Variants in ATF3 observed in about 807,000 individuals in gnomAD.
ATF3 encodes activating transcription factor 3, also known as cyclic AMP-dependent transcription factor ATF-3.
Under a neutral mutation model 18.4 loss-of-function variants are expected in ATF3, and 10 were observed. That is an observed-to-expected ratio of 0.54 (90% confidence interval 0.34 to 0.92). The LOEUF (loss-of-function observed/expected upper bound fraction) is 0.92, where lower values mean the gene tolerates loss of function less well. Among genes scored for constraint, ATF3 ranks in the 40% least tolerant of loss-of-function variants. The pLI is 0.02. For synonymous variants in ATF3, 78 were observed against 87.9 expected, an observed-to-expected ratio of 0.89 and a Z score of 0.63; for missense variants, 183 against 222.3, an observed-to-expected ratio of 0.82 and a Z score of 1.12.
chr1:212,618,017 C>A lies in ATF3; in HGVS notation c.241-110C>A. The A allele has an allele frequency of 9.5e-7, 1 of 1,049,888 alleles. No homozygotes were observed. The highest frequency in any genetic ancestry group is 1.4e-6 in the Non-Finnish European group (1 of 694,696). 65.0% of individuals were successfully genotyped at this position (1,049,888 alleles called of 1,614,324 possible). ...GCTTTAGTATTTCGGGGTCTTTTAG[C>A]GCTAGCATTGCCCTTGTCTGCCAGC... On this transcript the variant is annotated intron_variant, in intron 2 of 3. Coordinates refer to ENST00000341491, the MANE Select transcript of ATF3 (RefSeq NM_001674.4). This position sits in a 1 kb window ranked among gnomAD's most constrained non-coding sequence, Gnocchi z 4.4.
chr1:212,570,425 A>T (rs1258503584), intron 1 of ATF3, among the ~76,000 whole-genome samples: 1 of 152,242 alleles, frequency 6.6e-6, no homozygotes, highest in Admixed American at 6.5e-5. Flanking sequence ...TGACAGATGC[A>T]TATGCCTAGC....
At chr1:212,616,141 T>G (rs775773470) in intron 2 of ATF3, among the ~76,000 whole-genome samples, 2 of 151,668 alleles carry the variant, frequency 1.3e-5, no homozygotes, top group Non-Finnish European at 2.9e-5. Context: ...GGGCAGAGTA[T>G]AGGGGTGGGA....
upstream of ATF3, among the ~76,000 whole-genome samples, chr1:212,606,105 T>C (rs1251341163): frequency 1.3e-5 from 2 of 152,212 alleles, no homozygotes; most frequent in Admixed American, 6.5e-5. Context: ...AGGACTCAGA[T>C]GTTGATCACT....
At chr1:212,617,516 C>T (rs944649893) in intron 2 of ATF3, among the ~76,000 whole-genome samples, 1 of 152,204 alleles carries the variant, frequency 6.6e-6, no homozygotes, top group Non-Finnish European at 1.5e-5. Flanking sequence ...TCCTAGTTCA[C>T]CACTTGCAGG....
intron 1 of ATF3, among the ~76,000 whole-genome samples, chr1:212,598,058 T>C (rs1654361773): frequency 6.6e-6 from 1 of 152,152 alleles, no homozygotes; most frequent in East Asian, 1.9e-4. Flanking sequence ...CACACAGTAA[T>C]ATTAGTTTTT....
intron 1 of ATF3, among the ~76,000 whole-genome samples, chr1:212,595,442 C>G (rs1664972734): frequency 6.6e-6 from 1 of 152,350 alleles, no homozygotes; most frequent in East Asian, 1.9e-4. Flanking sequence ...GCCCGGTGCT[C>G]CCGCAGCTCA....
chr1:212,606,047 C>A (rs945113894), upstream of ATF3, among the ~76,000 whole-genome samples: 1 of 152,212 alleles, frequency 6.6e-6, no homozygotes, highest in African/African-American at 2.4e-5. Flanking sequence ...AGTGTGCACA[C>A]TGGACATTGG....
At chr1:212,608,209 G>C (rs1364158005), upstream of ATF3, among the ~76,000 whole-genome samples, 2 of 152,238 alleles carry the variant, frequency 1.3e-5, no homozygotes, top group African/African-American at 4.8e-5. Flanking sequence ...TAGGAGGCCA[G>C]TGGGGGAGGG....
At chr1:212,615,420 A>G (rs1655078513) in intron 2 of ATF3, among the ~76,000 whole-genome samples, 159 bp downstream of exon 2, 1 of 152,188 alleles carries the variant, frequency 6.6e-6, no homozygotes, top group Non-Finnish European at 1.5e-5. Context: ...ACAGAAGTAC[A>G]TAACATACGT....
chr1:212,589,597 G>C (rs187619156), intron 1 of ATF3, among the ~76,000 whole-genome samples: 1 of 151,568 alleles, frequency 6.6e-6, no homozygotes, highest in African/African-American at 2.4e-5. Flanking sequence ...CAGGAGAATC[G>C]CTTGACCCCA....
At position 212,619,627 on chromosome 1, in the gene ATF3, T is replaced by C. The variant is rs976466672; in HGVS notation, c.*72T>C. The C allele has an allele frequency of 2.2e-5, 34 of 1,572,020 alleles. No homozygotes were observed. In the Middle Eastern group the frequency reaches 5.3e-4, roughly 25 times the overall value. Reference sequence around the variant, plus strand: ...TTTTATACCCAAAACCCTGAAGCCATTGGAGAGCTGTCTTCCTGTGTACCT... The same window carrying C: ...TTTTATACCCAAAACCCTGAAGCCACTGGAGAGCTGTCTTCCTGTGTACCT... On this transcript the variant is annotated 3_prime_UTR_variant, in exon 4 of 4. Coordinates refer to ENST00000341491, the MANE Select transcript of ATF3 (RefSeq NM_001674.4). This position sits in a 1 kb window ranked among gnomAD's most constrained non-coding sequence, Gnocchi z 4.4.
chr1:212,575,543 G>A lies in ATF3; in HGVS notation c.-5+10060G>A, dbSNP rs59333214. 4.7e-3 allele frequency among the ~76,000 whole-genome samples: 719 copies of A among 152,140 alleles called. 8 individuals are homozygous for A. Among genetic ancestry groups the A allele is most frequent in the African/African-American group, 0.017 (686 of 41,528 alleles). On this transcript the variant is annotated intron_variant, in intron 1 of 3. Coordinates refer to the ATF3 transcript ENST00000366981. ...TATATTACATCAGTTAAGAACTTCA[G>A]TATAATGCTGAATAGAGGCTTATAA...
chr1:212,566,634 T>A (rs1664387758), intron 1 of ATF3, among the ~76,000 whole-genome samples: 1 of 152,128 alleles, frequency 6.6e-6, no homozygotes, highest in African/African-American at 2.4e-5. Context: ...TGCCCTGTCC[T>A]GCTCAGTTCC....
At chr1:212,593,570 TA>T (rs375688026) in intron 1 of ATF3, among the ~76,000 whole-genome samples, 1 of 150,870 alleles carries the variant, frequency 6.6e-6, no homozygotes, top group Non-Finnish European at 1.5e-5. Context: ...TCATCTGTAC[TA>T]AAAAAAAGAA....
At chr1:212,577,554 T>G (rs1404508943) in intron 1 of ATF3, among the ~76,000 whole-genome samples, 2 of 152,042 alleles carry the variant, frequency 1.3e-5, no homozygotes, top group Non-Finnish European at 2.9e-5. Context: ...TCGCTTCAAC[T>G]CACCAGCCCC....
At chr1:212,606,706 T>C (rs1654632809), upstream of ATF3, among the ~76,000 whole-genome samples, 1 of 152,274 alleles carries the variant, frequency 6.6e-6, no homozygotes, top group South Asian at 2.1e-4. Context: ...TGCTTCACTT[T>C]ATAATGGTGC....
At chr1:212,566,758 T>G (rs1664389676) in intron 1 of ATF3, among the ~76,000 whole-genome samples, 1 of 152,206 alleles carries the variant, frequency 6.6e-6, no homozygotes, top group African/African-American at 2.4e-5. Flanking sequence ...AAGCACGCGC[T>G]GGGAAGCCCA....
At chr1:212,577,003 T>G (rs1664594545) in intron 1 of ATF3, among the ~76,000 whole-genome samples, 1 of 152,098 alleles carries the variant, frequency 6.6e-6, no homozygotes, top group Non-Finnish European at 1.5e-5. Context: ...AGTACCGGGA[T>G]TACAGGCGTG....
intron 1 of ATF3, among the ~76,000 whole-genome samples, chr1:212,600,724 A>T (rs1226725969): frequency 6.6e-6 from 1 of 152,228 alleles, no homozygotes; most frequent in South Asian, 2.1e-4. Flanking sequence ...CCCTTGCTGC[A>T]TCAGGCTGTA....
Sources: gnomAD v4.1 joint callset for allele counts (sites outside exome capture counted in the v4.1 genomes callset) on GRCh38, gnomAD v4.1.1 for gene constraint, Gnocchi (gnomAD v3.1) non-coding constraint, MANE v1.5 for transcripts, NCBI Gene and HGNC (gene_info 2026-07-23, HGNC 2026-07-21) for gene names.